Variants in PHF2 observed in about 807,000 individuals in gnomAD.
PHF2 encodes the protein lysine-specific demethylase PHF2.
PHF2 carries 27 observed loss-of-function variants against 120.5 expected under a neutral mutation model. The ratio of observed to expected loss-of-function variants is 0.22; its 90% CI spans 0.17 to 0.31. The LOEUF is 0.31. Ranked by LOEUF, PHF2 falls within the 10% of genes least tolerant of loss-of-function variation. PHF2 has a pLI of 1.00. For synonymous variants in PHF2, 568 were observed against 592.5 expected (o/e 0.96, Z 0.60); for missense variants, 1,024 against 1,434.8 (o/e 0.71, Z 4.63).
chr9:93,660,383 G>GCCCCCCCAAC lies in PHF2; in HGVS notation c.1526_1527insCCAACCCCCC (p.Lys510GlnfsTer7). 4.0e-6 allele frequency: 6 copies of GCCCCCCCAAC among 1,511,690 alleles called. No homozygotes were observed. The highest frequency in any genetic ancestry group is 5.3e-6 in the Non-Finnish European group (6 of 1,126,692). 93.6% of individuals were successfully genotyped at this position (1,511,690 alleles called of 1,614,324 possible). A position where few individuals can be genotyped will look rare whatever the true frequency, so the allele number is the denominator to read the frequency against. ...TGCCCAAGCCATCCAAAATCCCCAA[G>GCCCCCCCAAC]CCCCCGAAGCCCCCTAAGCCCCCAA... On this transcript the variant is annotated frameshift_variant, in exon 12 of 22. Coordinates refer to ENST00000359246, the MANE Select transcript of PHF2 (RefSeq NM_005392.4). LOFTEE classifies it high-confidence loss of function.
In PHF2 at chr9:93,671,508, G is replaced by A. The variant is rs1172655805; in HGVS notation, c.2349-2077G>A. Reference sequence around the variant, plus strand: ...GGAGTAGGTACAGGTGTAGATGCAGGTGTGGGTGTGGATGTAGGTACAGGT... The same window carrying A: ...GGAGTAGGTACAGGTGTAGATGCAGATGTGGGTGTGGATGTAGGTACAGGT... On this transcript the variant is annotated intron_variant, in intron 17 of 21. Transcript: ENST00000359246. 1.9e-4 allele frequency among the ~76,000 whole-genome samples: 22 copies of A among 116,160 alleles called. 1 individual carries two copies. Among genetic ancestry groups the A allele is most frequent in the Admixed American group, 1.8e-3 (20 of 11,316 alleles). 76.2% of individuals were successfully genotyped at this position (116,160 alleles called of 152,430 possible).
In PHF2 at chr9:93,660,522, G is replaced by A; in HGVS notation, c.1660G>A (p.Glu554Lys). The change falls in exon 12 of 22, where the codon GAG becomes AAG. Residue 554 changes from glutamate (E) to lysine (K), a missense_variant. Around this residue, in one of 2 missense-constraint regions of PHF2, gnomAD observed 677 missense variants for 857.4 expected, o/e 0.79. Transcript: ENST00000359246. ...NLDLLEAHTK[E>K]ALTKMEPPKK... ...GGACCTGCTCGAAGCCCACACCAAG[G>A]AGGCACTGACCAAGATGGAGCCGCC... 1 of 1,594,652 alleles carries A rather than the reference G, an allele frequency of 6.3e-7. No individual in the cohort carries two copies. The highest frequency in any genetic ancestry group is 8.5e-7 in the Non-Finnish European group (1 of 1,172,384).
At chr9:93,651,642 C>G (rs1326146934) in intron 5 of PHF2, among the ~76,000 whole-genome samples, 4 of 152,176 alleles carry the variant, frequency 2.6e-5, no homozygotes, top group African/African-American at 9.7e-5. Flanking sequence ...GATGCCTGCT[C>G]TGTGGCAGGT....
intron 5 of PHF2, among the ~76,000 whole-genome samples, chr9:93,651,238 A>G (rs1826365229): frequency 6.6e-6 from 1 of 152,136 alleles, no homozygotes; most frequent in Non-Finnish European, 1.5e-5. Context: ...TAACTGAGTC[A>G]TGTCTCCATC....
chr9:93,593,105 A>AAAAGG (rs1554790885), intron 1 of PHF2, among the ~76,000 whole-genome samples: 1,830 of 122,596 alleles, frequency 0.015, 192 homozygotes, highest in African/African-American at 0.048. Context: ...AAAAAAAAAA[A>AAAAGG]AAAAAAGAAA....
At chr9:93,669,695 C>T (rs1018748854) in intron 17 of PHF2, among the ~76,000 whole-genome samples, 3 of 152,190 alleles carry the variant, frequency 2.0e-5, no homozygotes, top group Non-Finnish European at 2.9e-5. Flanking sequence ...GTTCGGGCCT[C>T]AGCACTGTCC....
chr9:93,664,871 C>G (rs1048453448), intron 14 of PHF2, among the ~76,000 whole-genome samples: 1 of 152,246 alleles, frequency 6.6e-6, no homozygotes, highest in Admixed American at 6.5e-5. Context: ...GCAGCGGGCT[C>G]GCCGCCCCTT....
rs1025924798 is a variant in PHF2, at chr9:93,639,982, G to A, written c.299+3457G>A. Among the ~76,000 whole-genome samples the A allele has an allele frequency of 5.3e-5, 8 of 152,334 alleles. No homozygotes were observed. The Middle Eastern group carries it at 0.01, about 194-fold the overall frequency. ...TTTTTGGAGATTTTCTTAAATAGATGTTTCTTCATTTGCTGTTTGGTCTTG... is the reference window on the plus strand; with the variant it reads ...TTTTTGGAGATTTTCTTAAATAGATATTTCTTCATTTGCTGTTTGGTCTTG... On this transcript the variant is annotated intron_variant, in intron 3 of 21. Coordinates refer to ENST00000359246, the MANE Select transcript of PHF2 (RefSeq NM_005392.4).
rs1016211943 is a variant in PHF2, at chr9:93,655,884, C to G, written c.953-50C>G. ...TCCCTGATCTAGAGCCATGAGAAGC[C>G]CGTTCATGGGAGCAAGGTGGGGCAC... On this transcript the variant is annotated intron_variant, in intron 7 of 21. Transcript: ENST00000359246. The G allele has an allele frequency of 2.9e-6, 4 of 1,391,072 alleles. No homozygotes were observed. In the African/African-American group the frequency reaches 5.7e-5, roughly 20 times the overall value. 86.2% of individuals were successfully genotyped at this position (1,391,072 alleles called of 1,614,324 possible).
chr9:93,626,819 C>T (rs935866385), intron 1 of PHF2, among the ~76,000 whole-genome samples: 1 of 152,178 alleles, frequency 6.6e-6, no homozygotes, highest in African/African-American at 2.4e-5. Flanking sequence ...GCCTTAGCAC[C>T]ATTTGTTGAA....
At chr9:93,586,722 C>T (rs1221143404) in intron 1 of PHF2, among the ~76,000 whole-genome samples, 1 of 152,240 alleles carries the variant, frequency 6.6e-6, no homozygotes, top group African/African-American at 2.4e-5. Flanking sequence ...CATGAGCGAG[C>T]ACGTCCCTCA....
At chr9:93,676,097 C>A (rs1213763992) in intron 20 of PHF2, among the ~76,000 whole-genome samples, 1 of 152,164 alleles carries the variant, frequency 6.6e-6, no homozygotes, top group African/African-American at 2.4e-5. Context: ...TCCCCTCCCC[C>A]CATCATGTGG....
In PHF2 at chr9:93,576,798, G is replaced by A; in HGVS notation, c.25G>A (p.Val9Ile). MATVPVYCVCRLPYDVTRF... is the reference protein window; with the variant it reads MATVPVYCICRLPYDVTRF... ...CATGGCGACGGTGCCCGTGTACTGC[G>A]TCTGCCGGCTCCCCTACGACGTTAC... Residue 9 changes from valine (V) to isoleucine (I), a missense_variant, in exon 1 of 22, where the codon GTC becomes ATC. By Grantham distance (29) the Val-to-Ile change is conservative. Around this residue, in one of 2 missense-constraint regions of PHF2, gnomAD observed 347 missense variants for 577.4 expected, o/e 0.60. Transcript: ENST00000359246. The A allele has an allele frequency of 1.6e-6, 2 of 1,284,856 alleles. No homozygotes were observed. Among genetic ancestry groups the A allele is most frequent in the Non-Finnish European group, 2.0e-6 (2 of 982,066 alleles). 79.6% of individuals were successfully genotyped at this position (1,284,856 alleles called of 1,614,324 possible).
intron 1 of PHF2, among the ~76,000 whole-genome samples, chr9:93,619,701 G>T (rs1825793200): frequency 1.3e-5 from 2 of 152,232 alleles, no homozygotes. Context: ...CTGCTACCCA[G>T]CCCTGGTGGG....
At chr9:93,585,988 G>A (rs1360728844) in intron 1 of PHF2, among the ~76,000 whole-genome samples, 3 of 152,224 alleles carry the variant, frequency 2.0e-5, no homozygotes, top group Admixed American at 6.5e-5. Context: ...GAGCAATGGT[G>A]CAGACTGATT....
At chr9:93,585,977 G>A (rs1863035713) in intron 1 of PHF2, among the ~76,000 whole-genome samples, 1 of 152,242 alleles carries the variant, frequency 6.6e-6, no homozygotes, top group African/African-American at 2.4e-5. Flanking sequence ...TGCTTTTGCT[G>A]GAGCAATGGT....
intron 1 of PHF2, among the ~76,000 whole-genome samples, chr9:93,604,231 C>T (rs2994369): frequency 0.31 from 47,329 of 151,818 alleles, 8,153 homozygotes; most frequent in South Asian, 0.6. Flanking sequence ...TGCCGGGGAC[C>T]GAGTGAGTGA....
At chr9:93,641,685 A>T (rs1417785766) in intron 3 of PHF2, among the ~76,000 whole-genome samples, 1 of 152,218 alleles carries the variant, frequency 6.6e-6, no homozygotes, top group Admixed American at 6.5e-5. Context: ...TTCTTTACAT[A>T]TTCTAGATAC....
At chr9:93,586,203 C>T (rs1002373608) in intron 1 of PHF2, among the ~76,000 whole-genome samples, 1 of 152,206 alleles carries the variant, frequency 6.6e-6, no homozygotes, top group Non-Finnish European at 1.5e-5. Context: ...CACACAGGCT[C>T]AAATGGGAAG....
Sources: allele counts gnomAD v4.1 joint callset (sites outside exome capture counted in the v4.1 genomes callset), GRCh38; gene constraint gnomAD v4.1.1; regional missense constraint gnomAD v4.1.1; transcripts MANE v1.5; gene names NCBI Gene and HGNC (gene_info 2026-07-23, HGNC 2026-07-21).